The following SSBP2 variants were observed in gnomAD, a reference collection of about 807,000 sequenced individuals.
SSBP2 encodes the protein single stranded DNA binding protein 2.
SSBP2 carries 17 observed loss-of-function variants against 61.8 expected under a neutral mutation model. The ratio of observed to expected loss-of-function variants is 0.28; its 90% CI spans 0.19 to 0.41. The LOEUF (loss-of-function observed/expected upper bound fraction) is 0.41, where lower values mean the gene tolerates loss of function less well. Ranked by LOEUF, SSBP2 falls within the 10% of genes least tolerant of loss-of-function variation. SSBP2 has a pLI of 1.00. For missense variants in SSBP2, 310 were observed against 458.7 expected, an observed-to-expected ratio of 0.68 and a Z score of 2.96; for synonymous variants, 139 against 141.3, an observed-to-expected ratio of 0.98 and a Z score of 0.12.
intron 4 of SSBP2, among the ~76,000 whole-genome samples, chr5:81,589,872 A>AGG (rs1396424209): frequency 6.6e-6 from 1 of 151,850 alleles, no homozygotes; most frequent in African/African-American, 2.4e-5. Context: ...AGGGTGAGAG[A>AGG]GGGAGAGAGA....
chr5:81,714,159 T>C (rs1468163495), intron 1 of SSBP2, among the ~76,000 whole-genome samples: 1 of 152,190 alleles, frequency 6.6e-6, no homozygotes, highest in East Asian at 1.9e-4. Context: ...CAGGCGGTGT[T>C]TGGTTTTCTG....
At chr5:81,455,500 TC>T (rs762195972) in intron 10 of SSBP2, among the ~76,000 whole-genome samples, 1 of 97,208 alleles carries the variant, frequency 1.0e-5, no homozygotes, top group Non-Finnish European at 1.8e-5. Flanking sequence ...GCGCCTGTAG[TC>T]CCAGCTACTC....
intron 4 of SSBP2, among the ~76,000 whole-genome samples, chr5:81,518,037 A>C (rs1007423397): frequency 3.3e-5 from 5 of 152,238 alleles, no homozygotes; most frequent in Admixed American, 6.6e-5. Context: ...ACACTGAATA[A>C]CAATTTATTT....
chr5:81,491,661 A>G (rs979585165), intron 5 of SSBP2, among the ~76,000 whole-genome samples: 1 of 152,060 alleles, frequency 6.6e-6, no homozygotes, highest in East Asian at 1.9e-4. Context: ...TAGTCAATTT[A>G]TTACTCTTAT....
At chr5:81,575,932 C>T (rs1774178607) in intron 4 of SSBP2, among the ~76,000 whole-genome samples, 1 of 152,130 alleles carries the variant, frequency 6.6e-6, no homozygotes. Flanking sequence ...AGAATTTACA[C>T]AAAAATTCCA....
intron 4 of SSBP2, among the ~76,000 whole-genome samples, chr5:81,602,154 A>T (rs1480612876): frequency 6.6e-6 from 1 of 152,116 alleles, no homozygotes; most frequent in Non-Finnish European, 1.5e-5. Flanking sequence ...TAAAAAAAGT[A>T]GCCCATGTTT....
intron 8 of SSBP2, among the ~76,000 whole-genome samples, chr5:81,468,564 C>T (rs1765043951): frequency 6.6e-6 from 1 of 151,864 alleles, no homozygotes; most frequent in South Asian, 2.1e-4. Context: ...ATCTTTATTC[C>T]CTACTCCCAA....
At chr5:81,527,412 A>C (rs1310644972) in intron 4 of SSBP2, among the ~76,000 whole-genome samples, 3 of 152,018 alleles carry the variant, frequency 2.0e-5, no homozygotes, top group African/African-American at 7.2e-5. Flanking sequence ...AAAGGGGGTT[A>C]GGAAGCAGGA....
chr5:81,648,260 C>T (rs1333345939), intron 2 of SSBP2, among the ~76,000 whole-genome samples: 1 of 152,030 alleles, frequency 6.6e-6, no homozygotes, highest in Non-Finnish European at 1.5e-5. Context: ...GGTCATTGCC[C>T]TAAGTCTTCT....
chr5:81,732,766 T>C (rs1333489292), intron 1 of SSBP2, among the ~76,000 whole-genome samples: 1 of 152,216 alleles, frequency 6.6e-6, no homozygotes, highest in African/African-American at 2.4e-5. Flanking sequence ...AGTGCACCTA[T>C]AACAAAAGCA....
intron 4 of SSBP2, among the ~76,000 whole-genome samples, chr5:81,599,555 T>C (rs1744137424): frequency 6.6e-6 from 1 of 152,204 alleles, no homozygotes; most frequent in Non-Finnish European, 1.5e-5. Flanking sequence ...GAGATTGATT[T>C]TCCTTGGTAA....
chr5:81,733,743 C>T (rs1209182689), intron 1 of SSBP2, among the ~76,000 whole-genome samples: 1 of 152,098 alleles, frequency 6.6e-6, no homozygotes, highest in African/African-American at 2.4e-5. Context: ...TACTGTAGTT[C>T]TTTCTCAGTA....
chr5:81,564,219 G>C (rs1773262729), intron 4 of SSBP2, among the ~76,000 whole-genome samples: 2 of 152,126 alleles, frequency 1.3e-5, no homozygotes, highest in African/African-American at 4.8e-5. Flanking sequence ...TTGTTAGGAT[G>C]GTTTTTATTA....
chr5:81,735,179 A>G (rs1244269702), intron 1 of SSBP2, among the ~76,000 whole-genome samples: 1 of 152,100 alleles, frequency 6.6e-6, no homozygotes, highest in Non-Finnish European at 1.5e-5. Context: ...AGATAAACCT[A>G]ATTTATTGTA....
chr5:81,559,545 G>GA (rs971304036), intron 4 of SSBP2, among the ~76,000 whole-genome samples: 4 of 151,346 alleles, frequency 2.6e-5, no homozygotes, highest in South Asian at 2.1e-4. Context: ...CACAAAAAAG[G>GA]AAAAAAAATT....
At chr5:81,470,123 T>C (rs1252049534) in intron 8 of SSBP2, among the ~76,000 whole-genome samples, 1 of 151,954 alleles carries the variant, frequency 6.6e-6, no homozygotes, top group Non-Finnish European at 1.5e-5. Flanking sequence ...CCACTCCAAG[T>C]ATCTTATTTG....
chr5:81,711,676 T>C (rs781147563), intron 1 of SSBP2, among the ~76,000 whole-genome samples: 1 of 149,734 alleles, frequency 6.7e-6, no homozygotes, highest in East Asian at 1.9e-4. Flanking sequence ...GTAGACAAAA[T>C]TGATCACTCT....
intron 1 of SSBP2, among the ~76,000 whole-genome samples, chr5:81,743,170 C>A (rs1429492724): frequency 6.6e-6 from 1 of 152,102 alleles, no homozygotes; most frequent in Non-Finnish European, 1.5e-5. Context: ...AACCCAACAC[C>A]CAATTCCTCC....
intron 1 of SSBP2, among the ~76,000 whole-genome samples, chr5:81,739,824 T>C (rs1010711227): frequency 2.0e-5 from 3 of 152,202 alleles, no homozygotes; most frequent in Admixed American, 6.5e-5. Context: ...CTATATACAA[T>C]TATTATTCTG....
Sources: allele counts gnomAD v4.1 joint callset (sites outside exome capture counted in the v4.1 genomes callset), GRCh38; gene constraint gnomAD v4.1.1; transcripts MANE v1.5; gene names NCBI Gene and HGNC (gene_info 2026-07-23, HGNC 2026-07-21).